Variants in ABCA3 observed in about 807,000 individuals in gnomAD.
The protein encoded by ABCA3 is phospholipid-transporting ATPase ABCA3.
Under a neutral mutation model 172.8 loss-of-function variants are expected in ABCA3, and 88 were observed. The ratio of observed to expected loss-of-function variants is 0.51; its 90% confidence interval spans 0.43 to 0.61. ABCA3 has a LOEUF of 0.61. Ranked by LOEUF, ABCA3 falls within the 20% of genes least tolerant of loss-of-function variation. ABCA3 has a pLI of 0.00. For synonymous variants in ABCA3, 1,066 were observed against 983.8 expected (o/e 1.08, Z -1.56); for missense variants, 2,164 against 2,301.0 (o/e 0.94, Z 1.22).
rs2093649715 is a variant in ABCA3 at position 2,278,299 on chromosome 16, G to A, written c.4707C>T (p.Ile1569=). 2.5e-6 allele frequency: 4 copies of A among 1,608,490 alleles called. No homozygotes were observed. The highest frequency in any genetic ancestry group is 1.3e-5 in the African/African-American group (1 of 74,934). Residue 1569 remains isoleucine (I), a synonymous_variant, in exon 30 of 33, where the codon ATC becomes ATT. Transcript: ENST00000301732. The surrounding 1 kb of genome is among the most constrained non-coding windows in gnomAD (Gnocchi z 4.4). ...RARESGKAII[I]TSHSMEECEA... The stretch of plus-strand genomic sequence containing the variant: ...GACCCAGGCTCTACCTGTGGGAGGT[G>A]ATGATGATGGCCTTGCCAGACTCTC...
At chr16:2,322,714 T>C (rs1218155363) in intron 7 of ABCA3, among the ~76,000 whole-genome samples, 1 of 151,948 alleles carries the variant, frequency 6.6e-6, no homozygotes, top group Non-Finnish European at 1.5e-5. Context: ...GAAGAAAACC[T>C]AGGCATTACC....
intron 1 of ABCA3, among the ~76,000 whole-genome samples, chr16:2,331,245 G>A (rs975252949): frequency 2.0e-5 from 3 of 151,436 alleles, no homozygotes; most frequent in South Asian, 2.1e-4. Flanking sequence ...ACAGAGTCTC[G>A]CTCTGTCGCC....
chr16:2,334,050 A>G (rs2093747649), intron 1 of ABCA3, among the ~76,000 whole-genome samples: 1 of 152,168 alleles, frequency 6.6e-6, no homozygotes, highest in African/African-American at 2.4e-5. Flanking sequence ...ATGCACTGTA[A>G]TTGCTGTGAC....
intron 12 of ABCA3, among the ~76,000 whole-genome samples, chr16:2,303,252 CT>C (rs1298963560): frequency 4.0e-5 from 6 of 151,038 alleles, no homozygotes; most frequent in Non-Finnish European, 8.9e-5. Flanking sequence ...GGAATCCGAA[CT>C]TTTTTTCTCT....
chr16:2,286,933 A>G lies in ABCA3; in HGVS notation c.3039T>C (p.Ser1013=). 3.1e-6 allele frequency: 5 copies of G among 1,613,834 alleles called. No homozygotes were observed. The highest frequency in any genetic ancestry group is 4.2e-6 in the Non-Finnish European group (5 of 1,179,978). ...GCTCATTAAAGCCGCCCCCCTCCAC[A>G]GAAGCCCTGAAGATCAAGAACTCCT... is the stretch of plus-strand genomic sequence containing the variant. ...DLEEFLIFRA[S]VEGGGFNERC... Residue 1013 remains serine, a synonymous_variant, in exon 22 of 33, where the codon TCT becomes TCC. Transcript: ENST00000301732. The surrounding 1 kb of genome is among the most constrained non-coding windows in gnomAD (Gnocchi z 5.2).
chr16:2,286,180 C>T lies in ABCA3; in HGVS notation c.3278+514G>A, dbSNP rs1338777066. ...GGAGGAGTGGCTATTCTGAAATTAA[C>T]AGAATTTTTGGCCTCCTCTGGGTGG... is the stretch of plus-strand genomic sequence containing the variant. On this transcript the variant is annotated intron_variant, in intron 22 of 32. Coordinates refer to ENST00000301732, the MANE Select transcript of ABCA3 (RefSeq NM_001089.3). This position sits in a 1 kb window ranked among gnomAD's most constrained non-coding sequence, Gnocchi z 5.2. Among the ~76,000 whole-genome samples the T allele has an allele frequency of 1.3e-5, 2 of 152,228 alleles. No individual in the cohort carries two copies. Among genetic ancestry groups the T allele is most frequent in the African/African-American group, 4.8e-5 (2 of 41,474 alleles).
At chr16:2,292,513 C>T (rs943672289) in intron 18 of ABCA3, among the ~76,000 whole-genome samples, 1 of 151,748 alleles carries the variant, frequency 6.6e-6, no homozygotes, top group African/African-American at 2.4e-5. Flanking sequence ...GGCAGGAGAA[C>T]ACTTGAACCC....
intron 1 of ABCA3, among the ~76,000 whole-genome samples, chr16:2,330,894 G>T (rs758075104): frequency 1.3e-5 from 2 of 151,628 alleles, no homozygotes; most frequent in African/African-American, 2.4e-5. Flanking sequence ...GTAGACACAG[G>T]GTTTCCCTGT....
chr16:2,287,171 C>G lies in ABCA3; in HGVS notation c.3005-204G>C, dbSNP rs1051074728. Among the ~76,000 whole-genome samples the G allele has an allele frequency of 6.6e-6, 1 of 152,206 alleles. No homozygotes were observed. Among genetic ancestry groups the G allele is most frequent in the Admixed American group, 6.5e-5 (1 of 15,278 alleles). The stretch of plus-strand genomic sequence containing the variant: ...AGTATGTGGAACTTTGAATGCCAGT[C>G]AGGAACCGGGAAAGGAGCTGCAAAA... On this transcript the variant is annotated intron_variant, in intron 21 of 32. Transcript: ENST00000301732. This position sits in a 1 kb window ranked among gnomAD's most constrained non-coding sequence, Gnocchi z 4.1.
chr16:2,309,361 A>T (rs1203526624), intron 10 of ABCA3, among the ~76,000 whole-genome samples: 1 of 152,162 alleles, frequency 6.6e-6, no homozygotes, highest in Non-Finnish European at 1.5e-5. Flanking sequence ...GCAGCCCCAC[A>T]CAAAACAGAG....
chr16:2,297,339 C>T lies in ABCA3; in HGVS notation c.2253G>A (p.Lys751=). The T allele has an allele frequency of 6.2e-7, 1 of 1,611,386 alleles. No individual in the cohort carries two copies. Among genetic ancestry groups the T allele is most frequent in the Non-Finnish European group, 8.5e-7 (1 of 1,179,954 alleles). ...GGCCCCACCGCTCACCGTATTTCTG[C>T]TTGAGGAACAGCGAGGACCCGCAGC... ...LQCCGSSLFL[K]QKYGAGYHMT... Residue 751 remains lysine, a synonymous_variant, in exon 17 of 33, where the codon AAG becomes AAA. Coordinates refer to ENST00000301732, the MANE Select transcript of ABCA3 (RefSeq NM_001089.3). This position sits in a 1 kb window ranked among gnomAD's most constrained non-coding sequence, Gnocchi z 5.6.
intron 18 of ABCA3, among the ~76,000 whole-genome samples, chr16:2,293,058 T>C (rs1026597090): frequency 1.3e-5 from 2 of 152,162 alleles, no homozygotes; most frequent in Non-Finnish European, 2.9e-5. Flanking sequence ...CCTTTTTTTT[T>C]CTTTTTTTCT....
At position 2,318,220 on chromosome 16, in the gene ABCA3, TC is replaced by T. The variant is rs111814070; in HGVS notation, c.874-457del. On this transcript the variant is annotated intron_variant, in intron 8 of 32. Coordinates refer to ENST00000301732, the MANE Select transcript of ABCA3 (RefSeq NM_001089.3). ...AGCTGTGGATGCCATAGCCATTCAT[TC>T]CCTCAACCTCCCCTACTCTGAAAGG... Among the ~76,000 whole-genome samples, 348 of 152,256 alleles carry T rather than the reference TC, an allele frequency of 2.3e-3. 1 individual carries two copies. The highest frequency in any genetic ancestry group is 7.4e-3 in the African/African-American group (309 of 41,546).
At position 2,285,754 on chromosome 16, in the gene ABCA3, C is replaced by A. The variant is rs1386014431; in HGVS notation, c.3279-108G>T. 1.9e-6 allele frequency: 2 copies of A among 1,059,838 alleles called. No individual in the cohort carries two copies. Among genetic ancestry groups the A allele is most frequent in the Non-Finnish European group, 2.8e-6 (2 of 708,900 alleles). The allele number at this position is 1,059,838 out of a possible 1,614,324, so 65.7% of individuals were successfully genotyped here. A position where few individuals can be genotyped will look rare whatever the true frequency, so the allele number is the denominator to read the frequency against. On this transcript the variant is annotated intron_variant, in intron 22 of 32. Coordinates refer to ENST00000301732, the MANE Select transcript of ABCA3 (RefSeq NM_001089.3). The surrounding 1 kb of genome is among the most constrained non-coding windows in gnomAD (Gnocchi z 4.7). ...AAGGCATGCAGGGCAGCAGCCCAAC[C>A]ACTAAAGGGGCTTATGGGAGAGCAC...
chr16:2,315,326 A>G (rs1250323100), intron 10 of ABCA3, among the ~76,000 whole-genome samples: 3 of 152,268 alleles, frequency 2.0e-5, no homozygotes, highest in African/African-American at 7.2e-5. Context: ...AAATGTTCAT[A>G]AAGAAAAATC....
Position 2,297,453 on chromosome 16 carries a change from G to C in ABCA3, c.2139C>G (p.Asp713Glu). The C allele has an allele frequency of 6.2e-7, 1 of 1,613,824 alleles. No individual in the cohort carries two copies. Among genetic ancestry groups the C allele is most frequent in the East Asian group, 2.2e-5 (1 of 44,854 alleles). Reference sequence around the variant, plus strand: ...AGTGGGTGGTCAGCACGATGGTGCGGTCACTTTTCTGCCGCTGAAGAAGAT... The same window carrying C: ...AGTGGGTGGTCAGCACGATGGTGCGCTCACTTTTCTGCCGCTGAAGAAGAT... ...IWDLLQRQKS[D>E]RTIVLTTHFM... The change falls in exon 17 of 33, where the codon GAC (aspartate) becomes GAG (glutamate). Residue 713 changes from aspartate to glutamate, a missense_variant. Asp to Glu is a conservative substitution (Grantham distance 45). Coordinates refer to ENST00000301732, the MANE Select transcript of ABCA3 (RefSeq NM_001089.3). The surrounding 1 kb of genome is among the most constrained non-coding windows in gnomAD (Gnocchi z 5.6).
At chr16:2,308,327 T>G (rs2093700989) in intron 11 of ABCA3, 123 bp downstream of exon 11, 2 of 1,210,540 alleles carry the variant, frequency 1.7e-6, no homozygotes, top group Non-Finnish European at 2.4e-6. Flanking sequence ...GCTGCTGCCT[T>G]CAGTGGTCCC....
At chr16:2,280,464 T>C (rs1206839503) in intron 28 of ABCA3, among the ~76,000 whole-genome samples, 2 of 152,220 alleles carry the variant, frequency 1.3e-5, no homozygotes, top group South Asian at 2.1e-4. Context: ...GCATGTGCTC[T>C]GGCCCAGGGC....
intron 2 of ABCA3, among the ~76,000 whole-genome samples, chr16:2,329,435 C>T (rs1438972039): frequency 6.6e-6 from 1 of 152,174 alleles, no homozygotes; most frequent in Non-Finnish European, 1.5e-5. Flanking sequence ...GAACGTTCTG[C>T]CTCTACCAAG....
Sources: allele counts gnomAD v4.1 joint callset (sites outside exome capture counted in the v4.1 genomes callset), GRCh38; gene constraint gnomAD v4.1.1; non-coding constraint Gnocchi (gnomAD v3.1); transcripts MANE v1.5; gene names NCBI Gene and HGNC (gene_info 2026-07-23, HGNC 2026-07-21).